Variants in SMCO4 observed in about 807,000 individuals in gnomAD.
SMCO4 encodes the protein single-pass membrane protein with coiled-coil domains 4, also known as single-pass membrane and coiled-coil domain-containing protein 4.
SMCO4 carries 4 observed loss-of-function variants against 3.6 expected under a neutral mutation model. The observed-to-expected ratio is 1.11, with a 90% CI of 0.54 to 2.53. SMCO4 has a LOEUF of 2.53. Among genes scored for constraint, SMCO4 ranks in the 30% most tolerant of loss-of-function variants. SMCO4 has a pLI of 0.02. For missense variants in SMCO4, 70 were observed against 80.8 expected, an observed-to-expected ratio of 0.87 and a Z score of 0.51; for synonymous variants, 36 against 35.3, an observed-to-expected ratio of 1.02 and a Z score of -0.07.
intron 2 of SMCO4, among the ~76,000 whole-genome samples, chr11:93,489,801 C>A (rs914968207): frequency 1.3e-5 from 2 of 151,210 alleles, no homozygotes; most frequent in African/African-American, 4.9e-5. Context: ...ACACCTCTCC[C>A]CCTCCATCCC....
intron 2 of SMCO4, among the ~76,000 whole-genome samples, chr11:93,480,257 G>A (rs1047158576): frequency 6.6e-6 from 1 of 152,138 alleles, no homozygotes; most frequent in Non-Finnish European, 1.5e-5. Context: ...CATAACTGGA[G>A]CCCAACTCAC....
chr11:93,510,602 A>G (rs1370912378), intron 1 of SMCO4, among the ~76,000 whole-genome samples: 2 of 151,566 alleles, frequency 1.3e-5, no homozygotes, highest in Non-Finnish European at 2.9e-5. Flanking sequence ...ACTGCACCCC[A>G]CCACAGTTTT....
At chr11:93,493,149 T>C (rs1015771631) in intron 2 of SMCO4, among the ~76,000 whole-genome samples, 13 of 152,212 alleles carry the variant, frequency 8.5e-5, no homozygotes, top group African/African-American at 2.9e-4. Flanking sequence ...GTTTCGGCAA[T>C]GGCACAGAAC....
intron 2 of SMCO4, among the ~76,000 whole-genome samples, chr11:93,492,812 G>A (rs932767077): frequency 2.0e-5 from 3 of 152,194 alleles, no homozygotes; most frequent in Non-Finnish European, 2.9e-5. Flanking sequence ...GGTCCAAAAG[G>A]GATTCTGCAA....
intron 2 of SMCO4, among the ~76,000 whole-genome samples, chr11:93,480,352 T>C (rs866611391): frequency 2.6e-5 from 4 of 152,254 alleles, no homozygotes; most frequent in African/African-American, 7.2e-5. Context: ...CGAGCCACCA[T>C]GACCACCCCC....
chr11:93,512,148 T>C (rs1948963440), intron 1 of SMCO4, among the ~76,000 whole-genome samples: 1 of 152,208 alleles, frequency 6.6e-6, no homozygotes, highest in South Asian at 2.1e-4. Context: ...TTATACATGG[T>C]TTCACTTCAA....
intron 1 of SMCO4, among the ~76,000 whole-genome samples, chr11:93,505,055 G>C (rs931218566): frequency 3.3e-5 from 5 of 152,184 alleles, no homozygotes; most frequent in African/African-American, 1.2e-4. Context: ...CTAAGAGAAA[G>C]TTGTCTCACG....
chr11:93,508,425 C>T (rs747127270), intron 1 of SMCO4, among the ~76,000 whole-genome samples: 1 of 152,098 alleles, frequency 6.6e-6, no homozygotes, highest in African/African-American at 2.4e-5. Context: ...AACTGTAGGG[C>T]GTTGAAGGTC....
At chr11:93,510,398 A>G (rs1417509595) in intron 1 of SMCO4, among the ~76,000 whole-genome samples, 1 of 152,200 alleles carries the variant, frequency 6.6e-6, no homozygotes, top group African/African-American at 2.4e-5. Context: ...CCCTTGACCA[A>G]CCAAGGCCTG....
At position 93,479,254 on chromosome 11, in the gene SMCO4, C is replaced by T. The variant is rs1948563455; in HGVS notation, c.-65G>A. On this transcript the variant is annotated 5_prime_UTR_variant, in exon 3 of 3. Coordinates refer to ENST00000298966, the MANE Select transcript of SMCO4 (RefSeq NM_020179.3). ...TCCAGGAAGGGCCACACTCCTCTTG[C>T]CAAGGCTGGAACCTCCTGTAGAGAG... The T allele has an allele frequency of 1.3e-5, 21 of 1,568,478 alleles. No individual in the cohort carries two copies. The South Asian group carries it at 2.4e-4, about 18-fold the overall frequency.
intron 1 of SMCO4, among the ~76,000 whole-genome samples, chr11:93,538,126 C>T (rs1441945613): frequency 5.3e-5 from 8 of 152,208 alleles, no homozygotes; most frequent in African/African-American, 7.2e-5. Context: ...TGCGTCCTAC[C>T]GATGACAGGA....
intron 2 of SMCO4, among the ~76,000 whole-genome samples, chr11:93,485,352 A>ACCTGAG (rs917971035): frequency 1.3e-5 from 2 of 152,034 alleles, no homozygotes; most frequent in African/African-American, 4.8e-5. Context: ...TTACCATCAC[A>ACCTGAG]CCTGAGCCTG....
the SMCO4 span, among the ~76,000 whole-genome samples, chr11:93,548,419 CA>C: frequency 6.6e-6 from 1 of 152,222 alleles, no homozygotes; most frequent in Non-Finnish European, 1.5e-5. Context: ...GAGACCTGGA[CA>C]ATCCCTGCAA....
At chr11:93,494,127 G>T (rs1948749529) in intron 2 of SMCO4, among the ~76,000 whole-genome samples, 1 of 152,142 alleles carries the variant, frequency 6.6e-6, no homozygotes, top group Non-Finnish European at 1.5e-5. Flanking sequence ...GCAAGGCAAG[G>T]GATGCCACCC....
chr11:93,551,774 G>A, the SMCO4 span, among the ~76,000 whole-genome samples: 1 of 152,174 alleles, frequency 6.6e-6, no homozygotes. Flanking sequence ...TGAATTTTCA[G>A]CATTTAGTAG....
At chr11:93,496,716 T>C (rs1948777488) in intron 2 of SMCO4, among the ~76,000 whole-genome samples, 1 of 152,196 alleles carries the variant, frequency 6.6e-6, no homozygotes. Context: ...TCCTCACTAA[T>C]GCAGATCCAG....
chr11:93,488,685 T>A (rs1948678945), intron 2 of SMCO4, among the ~76,000 whole-genome samples: 1 of 152,002 alleles, frequency 6.6e-6, no homozygotes, highest in Non-Finnish European at 1.5e-5. Flanking sequence ...CTATCAGCCA[T>A]CCCTAGTAGA....
chr11:93,525,986 C>G (rs1029829437), intron 1 of SMCO4, among the ~76,000 whole-genome samples: 1 of 152,310 alleles, frequency 6.6e-6, no homozygotes, highest in East Asian at 1.9e-4. Context: ...ACAGTTTATC[C>G]TCTCTGACTA....
rs370266669 is a variant in SMCO4, at chr11:93,512,800, G to A, written c.-153-13452C>T. Among the ~76,000 whole-genome samples, 6 of 152,164 alleles carry A rather than the reference G, an allele frequency of 3.9e-5. No homozygotes were observed. In the East Asian group the frequency reaches 5.8e-4, roughly 15 times the overall value. ...CCTGTCATTAAGTGAGGCATTGACC[G>A]TATATCTTGGTGGCTCCAGTAAGTG... On this transcript the variant is annotated intron_variant, in intron 1 of 2. Transcript: ENST00000298966.
Sources: allele counts gnomAD v4.1 joint callset (sites outside exome capture counted in the v4.1 genomes callset), GRCh38; gene constraint gnomAD v4.1.1; transcripts MANE v1.5; gene names NCBI Gene and HGNC (gene_info 2026-07-23, HGNC 2026-07-21).